Variants in MNAT1 observed in about 807,000 individuals in gnomAD.
MNAT1 encodes the protein MNAT1 component of CDK activating kinase, also known as CDK-activating kinase assembly factor MAT1.
In MNAT1, 43 loss-of-function variants were observed where a neutral mutation model predicts 42.0. That is an observed-to-expected ratio of 1.02 (90% CI 0.80 to 1.32). The LOEUF (loss-of-function observed/expected upper bound fraction) is 1.32. Ranked by LOEUF, MNAT1 falls within the 40% of genes most tolerant of loss-of-function variation. The probability of loss-of-function intolerance (pLI) is 0.00; values close to 1 mark genes in which losing one functional copy is unlikely to be tolerated. For missense variants in MNAT1, 306 were observed against 350.4 expected (o/e 0.87, Z 1.01); for synonymous variants, 118 against 120.0 (o/e 0.98, Z 0.11).
chr14:60,956,400 A>C (rs1281399162), intron 7 of MNAT1, among the ~76,000 whole-genome samples: 1 of 152,178 alleles, frequency 6.6e-6, no homozygotes, highest in Non-Finnish European at 1.5e-5. Context: ...AAATGTGTTA[A>C]GATTTGGTTT....
chr14:60,782,950 A>G (rs1465655121), intron 1 of MNAT1, among the ~76,000 whole-genome samples: 1 of 152,232 alleles, frequency 6.6e-6, no homozygotes, highest in African/African-American at 2.4e-5. Flanking sequence ...TATATAATAC[A>G]TCCCTGAAGG....
At chr14:60,737,215 G>GT (rs1431202230) in intron 1 of MNAT1, among the ~76,000 whole-genome samples, 1 of 152,012 alleles carries the variant, frequency 6.6e-6, no homozygotes, top group Non-Finnish European at 1.5e-5. Flanking sequence ...TAAAAGCAAC[G>GT]TAAGTTATTA....
chr14:60,892,379 T>C (rs1297066110), intron 7 of MNAT1, among the ~76,000 whole-genome samples: 1 of 152,146 alleles, frequency 6.6e-6, no homozygotes, highest in African/African-American at 2.4e-5. Flanking sequence ...AAGTTGAAAA[T>C]CTGTTTTGCC....
At chr14:60,821,190 C>T (rs966457252) in intron 6 of MNAT1, among the ~76,000 whole-genome samples, 3 of 152,138 alleles carry the variant, frequency 2.0e-5, no homozygotes, top group African/African-American at 7.2e-5. Flanking sequence ...CTATGTTGCC[C>T]AGGCTGGCCT....
intron 7 of MNAT1, among the ~76,000 whole-genome samples, chr14:60,912,079 CCTT>C: frequency 6.6e-6 from 1 of 151,694 alleles, no homozygotes. Context: ...TATGTAATGG[CCTT>C]CTTTGTCTCT....
chr14:60,866,681 A>G (rs1331993141), intron 6 of MNAT1, among the ~76,000 whole-genome samples: 3 of 152,086 alleles, frequency 2.0e-5, no homozygotes, highest in African/African-American at 7.2e-5. Flanking sequence ...GTTAGTGTCT[A>G]TATGAGCCTT....
intron 7 of MNAT1, among the ~76,000 whole-genome samples, chr14:60,908,496 C>T (rs540113531): frequency 1.3e-5 from 2 of 151,616 alleles, no homozygotes; most frequent in African/African-American, 2.4e-5. Context: ...CAACAGGCCC[C>T]GGTGTGTGAT....
intron 1 of MNAT1, among the ~76,000 whole-genome samples, chr14:60,735,477 T>C (rs781760198): frequency 6.6e-6 from 1 of 152,082 alleles, no homozygotes; most frequent in Non-Finnish European, 1.5e-5. Flanking sequence ...GGACTGTAGG[T>C]AGTTAATTTT....
chr14:60,900,060 C>CTCTG (rs781268950), intron 7 of MNAT1, among the ~76,000 whole-genome samples: 3 of 140,758 alleles, frequency 2.1e-5, no homozygotes, highest in Non-Finnish European at 5.0e-5. Flanking sequence ...CTCTCTCTCT[C>CTCTG]TCTCTCTCTC....
chr14:60,777,660 T>C (rs1190635070), intron 1 of MNAT1, among the ~76,000 whole-genome samples: 1 of 152,090 alleles, frequency 6.6e-6, no homozygotes, highest in African/African-American at 2.4e-5. Context: ...ATAATACATA[T>C]TGGGAAAAGA....
At chr14:60,924,244 T>C (rs1011369472) in intron 7 of MNAT1, among the ~76,000 whole-genome samples, 2 of 152,132 alleles carry the variant, frequency 1.3e-5, no homozygotes, top group Non-Finnish European at 1.5e-5. Flanking sequence ...CTGTTTTTTG[T>C]TTGTTTGTTT....
intron 7 of MNAT1, among the ~76,000 whole-genome samples, chr14:60,887,170 T>C (rs1325039156): frequency 2.0e-5 from 3 of 151,514 alleles, no homozygotes; most frequent in Non-Finnish European, 2.9e-5. Context: ...TTGATTTGCA[T>C]TTTTTTTGTT....
intron 7 of MNAT1, among the ~76,000 whole-genome samples, chr14:60,944,574 G>C (rs1400873107): frequency 6.6e-6 from 1 of 152,174 alleles, no homozygotes; most frequent in Non-Finnish European, 1.5e-5. Context: ...TAGACAAATA[G>C]ACTATTACCA....
At chr14:60,903,711 A>G (rs2035120927) in intron 7 of MNAT1, among the ~76,000 whole-genome samples, 1 of 152,076 alleles carries the variant, frequency 6.6e-6, no homozygotes. Flanking sequence ...TTTCCATGAG[A>G]GAATGTGGCA....
At chr14:60,955,135 CTG>C (rs1276068662) in intron 7 of MNAT1, among the ~76,000 whole-genome samples, 1 of 151,968 alleles carries the variant, frequency 6.6e-6, no homozygotes, top group East Asian at 1.9e-4. Flanking sequence ...ATTTTTACAT[CTG>C]TGTTCATTAT....
chr14:60,910,725 G>C (rs2035332502), intron 7 of MNAT1, among the ~76,000 whole-genome samples: 1 of 152,186 alleles, frequency 6.6e-6, no homozygotes, highest in South Asian at 2.1e-4. Flanking sequence ...GATTTGGTTT[G>C]CCAGTATTTT....
chr14:60,743,548 C>G (rs1594715706), intron 1 of MNAT1, among the ~76,000 whole-genome samples: 1 of 152,238 alleles, frequency 6.6e-6, no homozygotes, highest in Admixed American at 6.5e-5. Context: ...CTCAGCCTCT[C>G]AAAGTGCTGA....
intron 7 of MNAT1, among the ~76,000 whole-genome samples, chr14:60,945,520 A>G (rs2036253998): frequency 6.6e-6 from 1 of 152,186 alleles, no homozygotes. Context: ...TCTCTGTTAC[A>G]TGAGAGAAGG....
rs148105057 is a variant in MNAT1 at position 60,742,865 on chromosome 14, A to T, written c.89+7914A>T. On this transcript the variant is annotated intron_variant, in intron 1 of 7. Coordinates refer to ENST00000261245, the MANE Select transcript of MNAT1 (RefSeq NM_002431.4). ...TTATTGCTGAATATTATTCCATTGT[A>T]TGGCTATACTACATTTTATCCATTC... 1.6e-3 allele frequency among the ~76,000 whole-genome samples: 247 copies of T among 152,316 alleles called. 1 individual carries two copies. The highest frequency in any genetic ancestry group is 0.01 in the Middle Eastern group (3 of 292).
Sources: allele counts gnomAD v4.1 joint callset (sites outside exome capture counted in the v4.1 genomes callset), GRCh38; gene constraint gnomAD v4.1.1; transcripts MANE v1.5; gene names NCBI Gene and HGNC (gene_info 2026-07-23, HGNC 2026-07-21).